The following RAB15 variants were observed in gnomAD, a reference collection of about 807,000 sequenced individuals.
RAB15 encodes RAB15, member RAS oncogene family, also known as ras-related protein Rab-15.
In RAB15, 13 loss-of-function variants were observed where a neutral mutation model predicts 31.8. The ratio of observed to expected loss-of-function variants is 0.41; its 90% CI spans 0.27 to 0.65. The LOEUF is 0.65. Among genes scored for constraint, RAB15 ranks in the 30% least tolerant of loss-of-function variants. RAB15 has a pLI of 0.32. For missense variants in RAB15, 220 were observed against 277.3 expected (o/e 0.79, Z 1.47); for synonymous variants, 100 against 105.6 (o/e 0.95, Z 0.33).
chr14:64,965,123 G>GT (rs745556014), intron 1 of RAB15, among the ~76,000 whole-genome samples: 77 of 152,216 alleles, frequency 5.1e-4, no homozygotes, highest in Admixed American at 1.7e-3. Context: ...TTTAAAAAGT[G>GT]TTTTTGTTTT....
chr14:64,970,265 G>A lies in RAB15; in HGVS notation c.124+1688C>T, dbSNP rs1887351914. On this transcript the variant is annotated intron_variant, in intron 1 of 6. Coordinates refer to ENST00000533601, the MANE Select transcript of RAB15 (RefSeq NM_001308154.2). This position sits in a 1 kb window ranked among gnomAD's most constrained non-coding sequence, Gnocchi z 4.1. ...GGATAACCCACCGCCCTTTGTCCCT[G>A]AGCCCACAACCTGTCCTCATACACC... 6.6e-6 allele frequency among the ~76,000 whole-genome samples: 1 copy of A among 152,164 alleles called. No individual in the cohort carries two copies. Among genetic ancestry groups the A allele is most frequent in the South Asian group, 2.1e-4 (1 of 4,830 alleles).
At chr14:64,956,445 A>G (rs1886572877) in intron 1 of RAB15, among the ~76,000 whole-genome samples, 1 of 151,830 alleles carries the variant, frequency 6.6e-6, no homozygotes, top group Non-Finnish European at 1.5e-5. Context: ...GGAAAAGAAA[A>G]CGAAATGCAA....
chr14:64,956,949 T>C (rs1886608177), intron 1 of RAB15, among the ~76,000 whole-genome samples: 2 of 151,714 alleles, frequency 1.3e-5, no homozygotes, highest in South Asian at 4.2e-4. Context: ...TTTTTTTTTT[T>C]TGGGATGGAG....
Position 64,954,961 on chromosome 14 carries a change from C to G in RAB15, c.125-2390G>C, listed in dbSNP as rs1886460393. Among the ~76,000 whole-genome samples the G allele has an allele frequency of 6.6e-6, 1 of 152,030 alleles. No individual in the cohort carries two copies. Among genetic ancestry groups the G allele is most frequent in the African/African-American group, 2.4e-5 (1 of 41,390 alleles). On this transcript the variant is annotated intron_variant, in intron 1 of 6. Coordinates refer to ENST00000533601, the MANE Select transcript of RAB15 (RefSeq NM_001308154.2). The surrounding 1 kb of genome is among the most constrained non-coding windows in gnomAD (Gnocchi z 4.3). ...CAACTGTCCCCAGAGACAGAACTGA[C>G]AAGGAGACAGGGTACTCCACCGGAA... is the stretch of plus-strand genomic sequence containing the variant.
Position 64,958,674 on chromosome 14 carries a change from CAGAA to C in RAB15, c.125-6107_125-6104del, listed in dbSNP as rs1248452655. On this transcript the variant is annotated intron_variant, in intron 1 of 6. Coordinates refer to ENST00000533601, the MANE Select transcript of RAB15 (RefSeq NM_001308154.2). The surrounding 1 kb of genome is among the most constrained non-coding windows in gnomAD (Gnocchi z 4.4). ...AACAGTCTACTTCCTTTCTTGGGTACAGAAAGAAATAGGGCACAGAAGTGTTAAG... is the reference window on the plus strand; with the variant it reads ...AACAGTCTACTTCCTTTCTTGGGTACAGAAATAGGGCACAGAAGTGTTAAG... Among the ~76,000 whole-genome samples the C allele has an allele frequency of 6.6e-6, 1 of 152,064 alleles. No individual in the cohort carries two copies. The highest frequency in any genetic ancestry group is 2.1e-4 in the South Asian group (1 of 4,828).
At position 64,971,903 on chromosome 14, in the gene RAB15, A is replaced by C. The variant is rs1887443881; in HGVS notation, c.124+50T>G. 3 of 1,505,280 alleles carry C rather than the reference A, an allele frequency of 2.0e-6. No homozygotes were observed. The highest frequency in any genetic ancestry group is 2.7e-6 in the Non-Finnish European group (3 of 1,117,908). The allele number at this position is 1,505,280 out of a possible 1,614,324, so 93.2% of individuals were successfully genotyped here. On this transcript the variant is annotated intron_variant, in intron 1 of 6. Coordinates refer to ENST00000533601, the MANE Select transcript of RAB15 (RefSeq NM_001308154.2). This position sits in a 1 kb window ranked among gnomAD's most constrained non-coding sequence, Gnocchi z 4.1. ...CAGCTGGGGACGGGGGCGGCGGGGA[A>C]AGGGGCCGCGGGCGGGGAGGGAGGG... is the stretch of plus-strand genomic sequence containing the variant.
intron 1 of RAB15, among the ~76,000 whole-genome samples, chr14:64,963,386 T>G (rs1032084343): frequency 1.3e-5 from 2 of 152,064 alleles, no homozygotes; most frequent in African/African-American, 4.8e-5. Flanking sequence ...CCCTAGAGCC[T>G]TGGTGACATG....
chr14:64,951,219 C>T lies in RAB15; in HGVS notation c.247-68G>A. 7.4e-7 allele frequency: 1 copy of T among 1,342,448 alleles called. No homozygotes were observed. The highest frequency in any genetic ancestry group is 1.0e-6 in the Non-Finnish European group (1 of 952,918). 83.2% of individuals were successfully genotyped at this position (1,342,448 alleles called of 1,614,324 possible). A position where few individuals can be genotyped will look rare whatever the true frequency, so the allele number is the denominator to read the frequency against. On this transcript the variant is annotated intron_variant, in intron 3 of 6. Coordinates refer to ENST00000533601, the MANE Select transcript of RAB15 (RefSeq NM_001308154.2). This position sits in a 1 kb window ranked among gnomAD's most constrained non-coding sequence, Gnocchi z 7.2. ...AGTGCAGTCATGGGGCCAGAAGGGG[C>T]CGTGGAAACTTAAAGGTTGGGTCCC...
chr14:64,961,403 G>A (rs949895103), intron 1 of RAB15, among the ~76,000 whole-genome samples: 2 of 152,172 alleles, frequency 1.3e-5, no homozygotes, highest in African/African-American at 4.8e-5. Flanking sequence ...CATCTTCTTT[G>A]GTATATGCAG....
intron 5 of RAB15, among the ~76,000 whole-genome samples, chr14:64,949,494 G>A (rs1310509116): frequency 6.6e-6 from 1 of 151,908 alleles, no homozygotes; most frequent in African/African-American, 2.4e-5. Context: ...ACTGAGGCAG[G>A]TGGATCACCT....
chr14:64,948,428 CCAA>C lies in RAB15; in HGVS notation c.562_564del (p.Leu188del). 6.2e-7 allele frequency: 1 copy of C among 1,613,764 alleles called. No individual in the cohort carries two copies. Among genetic ancestry groups the C allele is most frequent in the Admixed American group, 1.7e-5 (1 of 59,962 alleles). ...TCCTCCTCCTCCAGCTCTGCCAGTG[CCAA>C]CTCATTGCTGGCACGCATCCGGAGG... On this transcript the variant is annotated inframe_deletion, in exon 7 of 7. Transcript: ENST00000533601. This position sits in a 1 kb window ranked among gnomAD's most constrained non-coding sequence, Gnocchi z 7.0.
intron 1 of RAB15, among the ~76,000 whole-genome samples, chr14:64,961,543 G>C (rs1392306729): frequency 6.6e-6 from 1 of 152,184 alleles, no homozygotes; most frequent in Admixed American, 6.5e-5. Context: ...TCTGCAGCCA[G>C]GGCACTCTGG....
At chr14:64,969,167 A>G (rs1291910992) in intron 1 of RAB15, among the ~76,000 whole-genome samples, 2 of 152,244 alleles carry the variant, frequency 1.3e-5, no homozygotes, top group African/African-American at 4.8e-5. Context: ...GTAATGCACA[A>G]TTTGAGAACA....
rs1291973516 is a variant in RAB15, at chr14:64,971,779, C to T, written c.124+174G>A. Reference sequence around the variant, plus strand: ...TGGTCCGGACGGCAGGCAGCAGGGACACCCTCACCTGCCAAAACCTATGCT... The same window carrying T: ...TGGTCCGGACGGCAGGCAGCAGGGATACCCTCACCTGCCAAAACCTATGCT... On this transcript the variant is annotated intron_variant, in intron 1 of 6. Coordinates refer to ENST00000533601, the MANE Select transcript of RAB15 (RefSeq NM_001308154.2). This position sits in a 1 kb window ranked among gnomAD's most constrained non-coding sequence, Gnocchi z 4.1. 1 of 624,084 alleles carries T rather than the reference C, an allele frequency of 1.6e-6. No individual in the cohort carries two copies. Among genetic ancestry groups the T allele is most frequent in the Non-Finnish European group, 2.7e-6 (1 of 363,806 alleles). The allele number at this position is 624,084 out of a possible 1,614,324, so 38.7% of individuals were successfully genotyped here.
chr14:64,971,913 G>T lies in RAB15; in HGVS notation c.124+40C>A, dbSNP rs764705869. On this transcript the variant is annotated intron_variant, in intron 1 of 6. Coordinates refer to ENST00000533601, the MANE Select transcript of RAB15 (RefSeq NM_001308154.2). This position sits in a 1 kb window ranked among gnomAD's most constrained non-coding sequence, Gnocchi z 4.1. ...CGGGGGCGGCGGGGAAAGGGGCCGC[G>T]GGCGGGGAGGGAGGGGCGCCCCGGG... 1 of 1,534,820 alleles carries T rather than the reference G, an allele frequency of 6.5e-7. No individual in the cohort carries two copies. Among genetic ancestry groups the T allele is most frequent in the South Asian group, 1.2e-5 (1 of 83,686 alleles).
At chr14:64,949,146 CT>C (rs1886088313) in intron 5 of RAB15, among the ~76,000 whole-genome samples, 1 of 152,212 alleles carries the variant, frequency 6.6e-6, no homozygotes. Flanking sequence ...GCTTTATCTT[CT>C]GTTAAAGGAG....
At chr14:64,949,153 A>G (rs1886088616) in intron 5 of RAB15, among the ~76,000 whole-genome samples, 1 of 152,342 alleles carries the variant, frequency 6.6e-6, no homozygotes, top group South Asian at 2.1e-4. Flanking sequence ...CTTCTGTTAA[A>G]GGAGACTGAG....
rs1887350197 is a variant in RAB15 at position 64,970,248 on chromosome 14, C to A, written c.124+1705G>T. ...CTCCTAGTTTCCTTAAGGGATAACC[C>A]ACCGCCCTTTGTCCCTGAGCCCACA... On this transcript the variant is annotated intron_variant, in intron 1 of 6. Coordinates refer to ENST00000533601, the MANE Select transcript of RAB15 (RefSeq NM_001308154.2). The surrounding 1 kb of genome is among the most constrained non-coding windows in gnomAD (Gnocchi z 4.1). Among the ~76,000 whole-genome samples the A allele has an allele frequency of 6.6e-6, 1 of 152,200 alleles. No homozygotes were observed. Among genetic ancestry groups the A allele is most frequent in the African/African-American group, 2.4e-5 (1 of 41,444 alleles).
chr14:64,965,884 G>A (rs4899156), intron 1 of RAB15, among the ~76,000 whole-genome samples: 13,338 of 152,066 alleles, frequency 0.088, 704 homozygotes, highest in Non-Finnish European at 0.12. Context: ...GAAACCCTCC[G>A]CGGGCTTCAG....
Sources: allele counts gnomAD v4.1 joint callset (sites outside exome capture counted in the v4.1 genomes callset), GRCh38; gene constraint gnomAD v4.1.1; non-coding constraint Gnocchi (gnomAD v3.1); transcripts MANE v1.5; gene names NCBI Gene and HGNC (gene_info 2026-07-23, HGNC 2026-07-21).